Variants in STXBP5L observed in about 807,000 individuals in gnomAD.
STXBP5L encodes the protein syntaxin-binding protein 5-like.
STXBP5L carries 65 observed loss-of-function variants against 144.5 expected under a neutral mutation model. That is an observed-to-expected ratio of 0.45 (90% CI 0.37 to 0.55). The LOEUF (loss-of-function observed/expected upper bound fraction) is 0.55, where lower values mean the gene tolerates loss of function less well. STXBP5L is among the 20% of genes least tolerant of loss of function. The pLI is 0.00. For missense variants in STXBP5L, 1,298 were observed against 1,405.5 expected (o/e 0.92, Z 1.22); for synonymous variants, 505 against 469.6 (o/e 1.08, Z -0.97).
intron 19 of STXBP5L, among the ~76,000 whole-genome samples, chr3:121,296,385 T>C (rs942156700): frequency 2.6e-5 from 4 of 152,206 alleles, no homozygotes; most frequent in African/African-American, 7.2e-5. Context: ...GCTTTCACAG[T>C]ATTTCCAATA....
chr3:121,209,761 C>T (rs1323507001), intron 10 of STXBP5L, among the ~76,000 whole-genome samples: 1 of 152,170 alleles, frequency 6.6e-6, no homozygotes, highest in Non-Finnish European at 1.5e-5. Context: ...AGGACGTGAA[C>T]TCATCCTTTT....
intron 20 of STXBP5L, among the ~76,000 whole-genome samples, chr3:121,352,906 T>C (rs776650555): frequency 1.3e-5 from 2 of 152,196 alleles, no homozygotes; most frequent in African/African-American, 2.4e-5. Flanking sequence ...TGTTGAGTTT[T>C]GTCAAAGGCC....
chr3:121,247,446 T>C (rs2049890934), intron 14 of STXBP5L, among the ~76,000 whole-genome samples: 1 of 152,196 alleles, frequency 6.6e-6, no homozygotes, highest in South Asian at 2.1e-4. Context: ...ACCCAATAGG[T>C]AGTTTTCAAT....
chr3:121,215,922 A>G (rs1296619908), intron 10 of STXBP5L, among the ~76,000 whole-genome samples: 3 of 151,692 alleles, frequency 2.0e-5, no homozygotes, highest in African/African-American at 4.8e-5. Context: ...TTTTTCTCTA[A>G]TGTTTTCTTC....
intron 14 of STXBP5L, among the ~76,000 whole-genome samples, chr3:121,244,292 A>G (rs1023096569): frequency 1.3e-5 from 2 of 152,036 alleles, no homozygotes; most frequent in African/African-American, 4.8e-5. Flanking sequence ...CAGAGTGTCA[A>G]CAACAGACTT....
At chr3:121,216,308 G>T (rs893338659) in intron 10 of STXBP5L, among the ~76,000 whole-genome samples, 14 of 152,080 alleles carry the variant, frequency 9.2e-5, no homozygotes, top group African/African-American at 3.4e-4. Flanking sequence ...ATACTTTTTT[G>T]TCTCATCTTC....
At chr3:121,045,785 T>G (rs943734422) in intron 5 of STXBP5L, among the ~76,000 whole-genome samples, 6 of 152,222 alleles carry the variant, frequency 3.9e-5, no homozygotes, top group Non-Finnish European at 2.9e-5. Context: ...TTTCTATGTG[T>G]AGACTCATAT....
chr3:121,119,672 A>C (rs563295477), intron 6 of STXBP5L, among the ~76,000 whole-genome samples: 1 of 151,350 alleles, frequency 6.6e-6, no homozygotes, highest in South Asian at 2.1e-4. Flanking sequence ...TCTCATGACC[A>C]TAAGTTTTTC....
intron 7 of STXBP5L, among the ~76,000 whole-genome samples, chr3:121,125,177 A>G (rs940402855): frequency 3.9e-5 from 6 of 152,150 alleles, no homozygotes; most frequent in Non-Finnish European, 8.8e-5. Context: ...CTACAAAATC[A>G]AGATAATATG....
At chr3:121,347,161 T>A (rs954170830) in intron 20 of STXBP5L, among the ~76,000 whole-genome samples, 1 of 152,246 alleles carries the variant, frequency 6.6e-6, no homozygotes, top group African/African-American at 2.4e-5. Context: ...AGTTTCAGCT[T>A]TCTACATATG....
chr3:121,222,354 G>A (rs1398521826), intron 10 of STXBP5L, among the ~76,000 whole-genome samples: 1 of 152,056 alleles, frequency 6.6e-6, no homozygotes, highest in East Asian at 1.9e-4. Flanking sequence ...CTTGTTTAAA[G>A]TTAGTTGAGC....
intron 20 of STXBP5L, among the ~76,000 whole-genome samples, chr3:121,367,288 G>A (rs977550664): frequency 4.5e-4 from 69 of 152,158 alleles, no homozygotes; most frequent in African/African-American, 1.3e-3. Flanking sequence ...TCACCCTGCA[G>A]GACTCCTTTG....
chr3:120,985,025 G>T (rs927842385), intron 3 of STXBP5L, among the ~76,000 whole-genome samples: 2 of 151,958 alleles, frequency 1.3e-5, no homozygotes, highest in Non-Finnish European at 2.9e-5. Flanking sequence ...TGGTCATGGT[G>T]TATAATTCTT....
Position 121,421,334 on chromosome 3 carries a change from A to G in STXBP5L, c.*2237A>G, listed in dbSNP as rs1488977013. 1 of 152,198 alleles carries G rather than the reference A, an allele frequency of 6.6e-6. No individual in the cohort carries two copies. Among genetic ancestry groups the G allele is most frequent in the Non-Finnish European group, 1.5e-5 (1 of 68,020 alleles). The allele number at this position is 152,198 out of a possible 1,614,324, so 9.4% of individuals were successfully genotyped here. Reference sequence around the variant, plus strand: ...GATTTAACTTGTTTTAACTTGATCTACATCGAGATTTCTCAAAAGCAGCAC... The same window carrying G: ...GATTTAACTTGTTTTAACTTGATCTGCATCGAGATTTCTCAAAAGCAGCAC... On this transcript the variant is annotated 3_prime_UTR_variant, in exon 27 of 27. Coordinates refer to ENST00000471454, the MANE Select transcript of STXBP5L (RefSeq NM_001308330.2).
chr3:121,320,783 C>T (rs2043945865), intron 20 of STXBP5L, among the ~76,000 whole-genome samples: 1 of 151,344 alleles, frequency 6.6e-6, no homozygotes, highest in Admixed American at 6.6e-5. Context: ...CTCACTGCAA[C>T]CTCTGCCTCC....
chr3:121,278,576 CAT>C (rs1306232539), intron 18 of STXBP5L, among the ~76,000 whole-genome samples: 9 of 151,970 alleles, frequency 5.9e-5, no homozygotes, highest in Non-Finnish European at 1.0e-4. Flanking sequence ...TAACTGGTAA[CAT>C]GTATAATATT....
chr3:120,966,224 CA>C (rs1939556211), intron 3 of STXBP5L, among the ~76,000 whole-genome samples: 1 of 152,182 alleles, frequency 6.6e-6, no homozygotes, highest in Non-Finnish European at 1.5e-5. Context: ...TGGGTTCAAA[CA>C]TCCTCCTTTA....
At chr3:120,947,801 TGAG>T (rs1214456630) in intron 2 of STXBP5L, among the ~76,000 whole-genome samples, 1 of 151,884 alleles carries the variant, frequency 6.6e-6, no homozygotes, top group Non-Finnish European at 1.5e-5. Context: ...TTTTTAAAAT[TGAG>T]GAACAATATT....
chr3:120,940,637 GA>G (rs34714742), intron 2 of STXBP5L, among the ~76,000 whole-genome samples: 81 of 145,786 alleles, frequency 5.6e-4, no homozygotes, highest in East Asian at 1.4e-3. Context: ...CCTAGGGGTG[GA>G]AAAAAAAAAA....
Sources: allele counts gnomAD v4.1 joint callset (sites outside exome capture counted in the v4.1 genomes callset), GRCh38; gene constraint gnomAD v4.1.1; transcripts MANE v1.5; gene names NCBI Gene and HGNC (gene_info 2026-07-23, HGNC 2026-07-21).